SGCZ: variants seen among roughly 807,000 people sequenced by gnomAD.
The protein encoded by SGCZ is sarcoglycan zeta, also known as zeta-sarcoglycan.
SGCZ carries 40 observed loss-of-function variants against 41.3 expected under a neutral mutation model. The ratio of observed to expected loss-of-function variants is 0.97; its 90% confidence interval spans 0.75 to 1.26. SGCZ has a LOEUF of 1.26. Ranked by LOEUF, SGCZ falls within the 50% of genes most tolerant of loss-of-function variation. The probability of loss-of-function intolerance (pLI) is 0.00; values close to 1 mark genes in which losing one functional copy is unlikely to be tolerated. For synonymous variants in SGCZ, 206 were observed against 137.5 expected (o/e 1.50, Z -3.49); for missense variants, 552 against 369.8 (o/e 1.49, Z -4.04).
chr8:14,801,376 T>C (rs1031136564), intron 1 of SGCZ, among the ~76,000 whole-genome samples: 3 of 152,328 alleles, frequency 2.0e-5, no homozygotes, highest in South Asian at 2.1e-4. Context: ...CTATGAAGTA[T>C]GGTAAGTGAT....
chr8:14,102,529 G>GA lies in SGCZ; in HGVS notation c.621-31dup, dbSNP rs574193376. The GA allele has an allele frequency of 1.9e-3, 2,506 of 1,311,148 alleles. 6 individuals carry two copies. The highest frequency in any genetic ancestry group is 7.4e-3 in the South Asian group (323 of 43,760). 81.2% of individuals were successfully genotyped at this position (1,311,148 alleles called of 1,614,324 possible). ...GGGAAAAACAAAAAATCATTAATAGGAAAAAAAAACACAAAAAAATCATTA... is the reference window on the plus strand; with the variant it reads ...GGGAAAAACAAAAAATCATTAATAGGAAAAAAAAAACACAAAAAAATCATTA... On this transcript the variant is annotated intron_variant, in intron 6 of 7. Transcript: ENST00000382080.
chr8:14,604,281 G>A (rs547528975), intron 1 of SGCZ, among the ~76,000 whole-genome samples: 12 of 152,174 alleles, frequency 7.9e-5, no homozygotes, highest in Non-Finnish European at 1.3e-4. Context: ...TCAATTGATC[G>A]TCAGTAACTG....
chr8:14,841,773 C>G (rs1003188162), intron 1 of SGCZ, among the ~76,000 whole-genome samples: 1 of 152,114 alleles, frequency 6.6e-6, no homozygotes, highest in East Asian at 1.9e-4. Flanking sequence ...TAAGGGACTT[C>G]AGAAATCATT....
At chr8:14,761,419 G>C (rs1199365707) in intron 1 of SGCZ, among the ~76,000 whole-genome samples, 1 of 151,650 alleles carries the variant, frequency 6.6e-6, no homozygotes, top group Non-Finnish European at 1.5e-5. Context: ...GGAAAACAAA[G>C]CAGTCTTCCT....
intron 1 of SGCZ, among the ~76,000 whole-genome samples, chr8:14,977,600 C>T (rs78440783): frequency 0.049 from 7,517 of 152,066 alleles, 378 homozygotes; most frequent in African/African-American, 0.13. Context: ...TCATCATTTA[C>T]ATTTAGAATA....
chr8:14,801,341 G>A (rs558577783), intron 1 of SGCZ, among the ~76,000 whole-genome samples: 4 of 152,242 alleles, frequency 2.6e-5, no homozygotes, highest in East Asian at 1.9e-4. Flanking sequence ...CTAAGGAAAT[G>A]AATCATTTTT....
At chr8:14,453,435 T>A (rs1249521493) in intron 2 of SGCZ, among the ~76,000 whole-genome samples, 1 of 152,196 alleles carries the variant, frequency 6.6e-6, no homozygotes, top group Non-Finnish European at 1.5e-5. Context: ...TTATTTTGTC[T>A]TTTTCTTGTT....
intron 1 of SGCZ, among the ~76,000 whole-genome samples, chr8:14,729,147 C>T (rs1037745229): frequency 1.3e-5 from 2 of 152,096 alleles, no homozygotes; most frequent in Non-Finnish European, 2.9e-5. Flanking sequence ...TGTCGAGCTG[C>T]TTGAATACCC....
At chr8:14,827,450 T>C (rs965119678) in intron 1 of SGCZ, among the ~76,000 whole-genome samples, 5 of 152,110 alleles carry the variant, frequency 3.3e-5, no homozygotes, top group Non-Finnish European at 7.4e-5. Flanking sequence ...TTGGCCAGGC[T>C]GTTCTCAAAC....
intron 1 of SGCZ, among the ~76,000 whole-genome samples, chr8:14,994,330 T>A (rs1318312047): frequency 6.6e-6 from 1 of 152,134 alleles, no homozygotes; most frequent in Non-Finnish European, 1.5e-5. Context: ...CCGCCTGTAA[T>A]CCCAGCACTT....
chr8:14,569,002 C>G (rs1191895020), intron 1 of SGCZ, among the ~76,000 whole-genome samples: 6 of 152,068 alleles, frequency 3.9e-5, no homozygotes, highest in Admixed American at 3.3e-4. Context: ...AAAAGCTGTA[C>G]CTGTTTCTTA....
intron 1 of SGCZ, among the ~76,000 whole-genome samples, chr8:14,979,585 A>G (rs1409195727): frequency 6.6e-6 from 1 of 152,214 alleles, no homozygotes; most frequent in African/African-American, 2.4e-5. Context: ...TGATGTAAAT[A>G]AAGCAACCTT....
intron 1 of SGCZ, among the ~76,000 whole-genome samples, chr8:14,830,429 A>G (rs1802485647): frequency 6.6e-6 from 1 of 152,160 alleles, no homozygotes; most frequent in Non-Finnish European, 1.5e-5. Context: ...TACAGTTTAA[A>G]GAGTCTGAAT....
intron 5 of SGCZ, among the ~76,000 whole-genome samples, chr8:14,109,036 A>G (rs541551173): frequency 2.0e-5 from 3 of 152,258 alleles, no homozygotes; most frequent in African/African-American, 7.2e-5. Flanking sequence ...ACCCTCATAG[A>G]TGTTTAGCAG....
rs554067020 is a variant in SGCZ, at chr8:15,173,870, G to A, written c.39+63715C>T. 8.0e-4 allele frequency among the ~76,000 whole-genome samples: 121 copies of A among 152,166 alleles called. No homozygotes were observed. The Middle Eastern group carries it at 0.01, about 13-fold the overall frequency. ...TCCTCCTGCCTCAGTTGGGAGCATA[G>A]GCATGCACCACCACACCTGGCTAAT... On this transcript the variant is annotated intron_variant, in intron 1 of 7. Transcript: ENST00000382080.
rs563273878 is a variant in SGCZ at position 14,720,208 on chromosome 8, T to G, written c.40-165282A>C. Among the ~76,000 whole-genome samples the G allele has an allele frequency of 2.3e-3, 346 of 152,110 alleles. 3 individuals are homozygous for G. The highest frequency in any genetic ancestry group is 7.8e-3 in the African/African-American group (326 of 41,544). Reference sequence around the variant, plus strand: ...TTGATCAATAAATATTTTATACTACTTACATGCTTAAAATAAAAGGTGATC... The same window carrying G: ...TTGATCAATAAATATTTTATACTACGTACATGCTTAAAATAAAAGGTGATC... On this transcript the variant is annotated intron_variant, in intron 1 of 7. Transcript: ENST00000382080.
intron 1 of SGCZ, among the ~76,000 whole-genome samples, chr8:15,194,661 G>A (rs570651974): frequency 5.3e-5 from 8 of 152,230 alleles, no homozygotes; most frequent in African/African-American, 1.9e-4. Context: ...GACAGAAAGG[G>A]AGAGAGATCT....
At chr8:14,551,515 AT>A (rs1563404424) in intron 2 of SGCZ, among the ~76,000 whole-genome samples, 4 of 9,256 alleles carry the variant, frequency 4.3e-4, no homozygotes, top group Non-Finnish European at 6.8e-4. Context: ...TATTATATAT[AT>A]TATATATAAT....
At chr8:14,166,244 C>T (rs941245869) in intron 4 of SGCZ, among the ~76,000 whole-genome samples, 8 of 152,060 alleles carry the variant, frequency 5.3e-5, no homozygotes, top group Admixed American at 2.0e-4. Context: ...AAATACCTTT[C>T]CTTATATAAT....
Sources: gnomAD v4.1 joint callset for allele counts (sites outside exome capture counted in the v4.1 genomes callset) on GRCh38, gnomAD v4.1.1 for gene constraint, MANE v1.5 for transcripts, NCBI Gene and HGNC (gene_info 2026-07-23, HGNC 2026-07-21) for gene names.